The following CLK4 variants were observed in gnomAD, a reference collection of about 807,000 sequenced individuals.
CLK4 encodes dual specificity protein kinase CLK4.
CLK4 carries 37 observed loss-of-function variants against 64.4 expected under a neutral mutation model. The observed-to-expected ratio is 0.57, with a 90% CI of 0.44 to 0.76. The LOEUF is 0.76. Among genes scored for constraint, CLK4 ranks in the 30% least tolerant of loss-of-function variants. CLK4 has a pLI of 0.00. For missense variants in CLK4, 457 were observed against 605.1 expected (o/e 0.76, Z 2.57); for synonymous variants, 175 against 191.6 (o/e 0.91, Z 0.72).
chr5:178,616,329 C>A (rs1276635789), intron 5 of CLK4, among the ~76,000 whole-genome samples: 1 of 152,128 alleles, frequency 6.6e-6, no homozygotes, highest in Non-Finnish European at 1.5e-5. Context: ...AACTCCCAAC[C>A]TCAGGTGATC....
intron 8 of CLK4, 57 bp from the exon 9 acceptor site, chr5:178,612,602 C>A: frequency 4.5e-6 from 7 of 1,538,980 alleles, no homozygotes; most frequent in Non-Finnish European, 6.3e-6. Flanking sequence ...TATAGCGCTA[C>A]TCAAAAGGCC....
In CLK4 at chr5:178,617,011, A is replaced by T; in HGVS notation, c.476-63T>A. 9.4e-7 allele frequency: 1 copy of T among 1,058,606 alleles called. No individual in the cohort carries two copies. The allele number at this position is 1,058,606 out of a possible 1,614,324, so 65.6% of individuals were successfully genotyped here. On this transcript the variant is annotated intron_variant, in intron 4 of 12. Coordinates refer to ENST00000316308, the MANE Select transcript of CLK4 (RefSeq NM_020666.3). This position sits in a 1 kb window ranked among gnomAD's most constrained non-coding sequence, Gnocchi z 5.2. ...GTACAAACTGTCTAGTTCTTCAAAC[A>T]ATGAATGCTTAAGTGTGGAATATTT...
At chr5:178,612,760 G>C (rs779954047) in intron 8 of CLK4, 36 bp downstream of exon 8, 4 of 1,249,738 alleles carry the variant, frequency 3.2e-6, no homozygotes, top group Non-Finnish European at 3.4e-6. Context: ...TAATTTTAAA[G>C]ACAACCACCC....
At position 178,625,896 on chromosome 5, in the gene CLK4, T is replaced by C. The variant is rs544595216; in HGVS notation, c.-1+1050A>G. Among the ~76,000 whole-genome samples, 30 of 152,362 alleles carry C rather than the reference T, an allele frequency of 2.0e-4. No individual in the cohort carries two copies. The South Asian group carries it at 6.2e-3, about 32-fold the overall frequency. On this transcript the variant is annotated intron_variant, in intron 1 of 12. Coordinates refer to ENST00000316308, the MANE Select transcript of CLK4 (RefSeq NM_020666.3). ...GGCACAAAGATCACCCGACCCACGT[T>C]CTACGTGGTAAGGTTCCTTCGCATA... is the stretch of plus-strand genomic sequence containing the variant.
rs560150409 is a variant in CLK4 at position 178,620,685 on chromosome 5, A to T, written c.162-1907T>A. ...TATCCACACAGGTCCTGTGGGAGAT[A>T]AAAAAAAAATTATATAAGGCAAAGT... On this transcript the variant is annotated intron_variant, in intron 2 of 12. Coordinates refer to ENST00000316308, the MANE Select transcript of CLK4 (RefSeq NM_020666.3). 9.5e-4 allele frequency: 288 copies of T among 303,926 alleles called. No homozygotes were observed. The Middle Eastern group carries it at 0.021, about 23-fold the overall frequency. The allele number at this position is 303,926 out of a possible 1,614,324, so 18.8% of individuals were successfully genotyped here.
intron 1 of CLK4, among the ~76,000 whole-genome samples, chr5:178,626,248 C>T (rs1024668626): frequency 2.0e-5 from 3 of 152,174 alleles, no homozygotes; most frequent in African/African-American, 7.2e-5. Context: ...GTTTGCGGGG[C>T]GGTTTCCTAA....
chr5:178,613,634 C>T lies in CLK4; in HGVS notation c.665G>A (p.Cys222Tyr). The change falls in exon 7 of 13, where the codon TGT becomes TAT. Residue 222 changes from cysteine to tyrosine, a missense_variant. Cys to Tyr is a radical substitution (Grantham distance 194). Coordinates refer to ENST00000316308, the MANE Select transcript of CLK4 (RefSeq NM_020666.3). ...NSTDPNSVFR[C>Y]VQMLEWFDHH... ...ATCAAACCATTCTAGCATCTGGACACATCGGCTAAAACAGAGCAAAATAAT... is the reference window on the plus strand; with the variant it reads ...ATCAAACCATTCTAGCATCTGGACATATCGGCTAAAACAGAGCAAAATAAT... 2.5e-6 allele frequency: 4 copies of T among 1,609,282 alleles called. No homozygotes were observed. Among genetic ancestry groups the T allele is most frequent in the Non-Finnish European group, 3.4e-6 (4 of 1,177,868 alleles).
At position 178,618,538 on chromosome 5, in the gene CLK4, A is replaced by T; in HGVS notation, c.384+18T>A. 1 of 1,589,184 alleles carries T rather than the reference A, an allele frequency of 6.3e-7. No homozygotes were observed. The highest frequency in any genetic ancestry group is 2.2e-5 in the East Asian group (1 of 44,586). On this transcript the variant is annotated intron_variant, in intron 3 of 12. Transcript: ENST00000316308. The stretch of plus-strand genomic sequence containing the variant: ...ACAAATAAAACTCCACTCAAATTGA[A>T]AACAAAACCAATCATACCGAACGTG...
chr5:178,603,894 C>T lies in CLK4; in HGVS notation c.1255G>A (p.Glu419Lys). The change falls in exon 12 of 13, where the codon GAA becomes AAA. Residue 419 changes from glutamate (E) to lysine (K), a missense_variant. Coordinates refer to ENST00000316308, the MANE Select transcript of CLK4 (RefSeq NM_020666.3). Reference protein sequence around the residue: ...YFHHNQLDWDEHSSAGRYVRR... With the variant: ...YFHHNQLDWDKHSSAGRYVRR... ...ACATATCTACCAGCAGAACTGTGTT[C>T]ATCCCAATCTAGCTGGTTATGGTGA... is the stretch of plus-strand genomic sequence containing the variant. The T allele has an allele frequency of 1.9e-6, 3 of 1,609,816 alleles. No homozygotes were observed.
chr5:178,613,191 G>C (rs1311561853), intron 7 of CLK4, among the ~76,000 whole-genome samples: 2 of 152,138 alleles, frequency 1.3e-5, no homozygotes, highest in Non-Finnish European at 2.9e-5. Flanking sequence ...GGGAGGCCGA[G>C]GGGGGCAATC....
Position 178,617,974 on chromosome 5 carries a change from T to C in CLK4, c.385-540A>G, listed in dbSNP as rs948157305. ...TACTGAAGAAAACTTGGGGAGAAACTAATTCAAAGTTCACTGTTCAAGCAG... is the reference window on the plus strand; with the variant it reads ...TACTGAAGAAAACTTGGGGAGAAACCAATTCAAAGTTCACTGTTCAAGCAG... On this transcript the variant is annotated intron_variant, in intron 3 of 12. Transcript: ENST00000316308. The surrounding 1 kb of genome is among the most constrained non-coding windows in gnomAD (Gnocchi z 5.2). 1 of 151,594 alleles carries C rather than the reference T, an allele frequency of 6.6e-6. No individual in the cohort carries two copies. The highest frequency in any genetic ancestry group is 1.5e-5 in the Non-Finnish European group (1 of 67,986). 9.4% of individuals were successfully genotyped at this position (151,594 alleles called of 1,614,324 possible). A position where few individuals can be genotyped will look rare whatever the true frequency, so the allele number is the denominator to read the frequency against.
chr5:178,620,784 T>C (rs114175220), intron 2 of CLK4: 4,897 of 275,198 alleles, frequency 0.018, 127 homozygotes, highest in Middle Eastern at 0.05. Context: ...TGTAGGAAAT[T>C]CTAAAAGGTT....
At chr5:178,613,345 C>G (rs1388541475) in intron 7 of CLK4, 128 bp downstream of exon 7, 1 of 523,984 alleles carries the variant, frequency 1.9e-6, no homozygotes, top group Non-Finnish European at 2.8e-6. Flanking sequence ...GGCGTGAACC[C>G]GGGAGGCTGA....
Position 178,613,652 on chromosome 5 carries a change from A to G in CLK4, c.660-13T>C. On this transcript the variant is annotated splice_polypyrimidine_tract_variant and intron_variant, in intron 6 of 12. Transcript: ENST00000316308. ...CTGGACACATCGGCTAAAACAGAGCAAAATAATAATTCAGTTTATGGAAAC... is the reference window on the plus strand; with the variant it reads ...CTGGACACATCGGCTAAAACAGAGCGAAATAATAATTCAGTTTATGGAAAC... 3.1e-6 allele frequency: 5 copies of G among 1,607,690 alleles called. No individual in the cohort carries two copies. The highest frequency in any genetic ancestry group is 4.2e-6 in the Non-Finnish European group (5 of 1,176,726).
intron 9 of CLK4, among the ~76,000 whole-genome samples, chr5:178,610,936 G>GGT (rs1346614654): frequency 6.6e-6 from 1 of 152,044 alleles, no homozygotes; most frequent in Non-Finnish European, 1.5e-5. Context: ...AGCCGGGTGT[G>GGT]GTGGTGGGCA....
intron 1 of CLK4, among the ~76,000 whole-genome samples, chr5:178,624,871 T>TG (rs773402458): frequency 2.0e-5 from 3 of 152,176 alleles, no homozygotes; most frequent in Non-Finnish European, 2.9e-5. Context: ...CACAAGAAAG[T>TG]ATGTGTCACG....
intron 5 of CLK4, among the ~76,000 whole-genome samples, chr5:178,615,695 A>C (rs976802198): frequency 1.3e-5 from 2 of 152,222 alleles, no homozygotes; most frequent in East Asian, 3.8e-4. Context: ...TATTTACAAC[A>C]GGTTGGAAAT....
intron 2 of CLK4, chr5:178,620,180 T>C: frequency 3.5e-6 from 1 of 284,740 alleles, no homozygotes. Flanking sequence ...GAGAAACAAC[T>C]CAGGATATTT....
intron 9 of CLK4, among the ~76,000 whole-genome samples, chr5:178,609,457 T>C (rs1250395037): frequency 7.3e-5 from 11 of 151,600 alleles, no homozygotes; most frequent in Non-Finnish European, 4.4e-5. Flanking sequence ...CCGAGGCGGG[T>C]GGATCACCAG....
Sources: gnomAD v4.1 joint callset for allele counts (sites outside exome capture counted in the v4.1 genomes callset) on GRCh38, gnomAD v4.1.1 for gene constraint, Gnocchi (gnomAD v3.1) non-coding constraint, MANE v1.5 for transcripts, NCBI Gene and HGNC (gene_info 2026-07-23, HGNC 2026-07-21) for gene names.